SAMD5: variants seen among roughly 807,000 people sequenced by gnomAD.
SAMD5 encodes sterile alpha motif domain containing 5, also known as sterile alpha motif domain-containing protein 5.
Under a neutral mutation model 11.3 loss-of-function variants are expected in SAMD5, and 13 were observed. The ratio of observed to expected loss-of-function variants is 1.15; its 90% CI spans 0.75 to 1.83. The LOEUF is 1.83. Among genes scored for constraint, SAMD5 ranks in the 40% most tolerant of loss-of-function variants. SAMD5 has a pLI of 0.00. For synonymous variants in SAMD5, 129 were observed against 111.3 expected, an observed-to-expected ratio of 1.16 and a Z score of -1.00; for missense variants, 255 against 239.1, an observed-to-expected ratio of 1.07 and a Z score of -0.44.
the SAMD5 span, among the ~76,000 whole-genome samples, chr6:147,896,396 C>T: frequency 6.6e-6 from 1 of 152,118 alleles, no homozygotes; most frequent in Admixed American, 6.6e-5. Flanking sequence ...AGCTCGGAGA[C>T]AGGACAATTC....
In SAMD5 at chr6:147,668,031, C is replaced by T. The variant is rs79284610; in HGVS notation, c.163-69286C>T. ...TTTTAAAATTGCATTATAAAAATTA[C>T]GTCTAACTAAAAATGCGATACAAGA... On this transcript the variant is annotated intron_variant, in intron 1 of 1. Transcript: ENST00000566741. 5.7e-4 allele frequency among the ~76,000 whole-genome samples: 87 copies of T among 152,136 alleles called. No homozygotes were observed. In the East Asian group the frequency reaches 0.015, roughly 26 times the overall value.
the SAMD5 span, among the ~76,000 whole-genome samples, chr6:147,908,094 T>C: frequency 2.6e-5 from 4 of 152,178 alleles, no homozygotes; most frequent in Non-Finnish European, 4.4e-5. Context: ...TCTATAAATA[T>C]GTAAATTACC....
chr6:147,843,681 A>G, the SAMD5 span, among the ~76,000 whole-genome samples: 1 of 152,342 alleles, frequency 6.6e-6, no homozygotes, highest in African/African-American at 2.4e-5. Context: ...GAATCTAGAA[A>G]TAAATTCACA....
intron 1 of SAMD5, among the ~76,000 whole-genome samples, chr6:147,539,534 TGA>T (rs1228270361): frequency 6.6e-6 from 1 of 152,186 alleles, no homozygotes; most frequent in Non-Finnish European, 1.5e-5. Flanking sequence ...CCTTTGATTT[TGA>T]GAGGGATTTA....
At chr6:147,628,422 G>A (rs1790090053) in intron 1 of SAMD5, among the ~76,000 whole-genome samples, 1 of 152,074 alleles carries the variant, frequency 6.6e-6, no homozygotes, top group Non-Finnish European at 1.5e-5. Flanking sequence ...ACTCTTAAAC[G>A]TATTTTGAGA....
rs1789007333 is a variant in SAMD5 at position 147,564,615 on chromosome 6, G to T, written c.*159G>T. ...GACAAATTCTGGAATAATCAACTTA[G>T]TAAACTGGGTAACTGGCTTATAACA... On this transcript the variant is annotated 3_prime_UTR_variant, in exon 2 of 2. Transcript: ENST00000367474. 2.8e-6 allele frequency: 4 copies of T among 1,423,428 alleles called. No individual in the cohort carries two copies. The highest frequency in any genetic ancestry group is 2.9e-5 in the Admixed American group (1 of 33,948). 88.2% of individuals were successfully genotyped at this position (1,423,428 alleles called of 1,614,324 possible).
chr6:147,683,502 G>A (rs1466391379), intron 1 of SAMD5, among the ~76,000 whole-genome samples: 1 of 152,106 alleles, frequency 6.6e-6, no homozygotes, highest in East Asian at 1.9e-4. Context: ...TTACCACTTT[G>A]TCAGTTATTC....
chr6:147,585,849 C>T (rs1408066436), intron 1 of SAMD5, among the ~76,000 whole-genome samples: 5 of 152,018 alleles, frequency 3.3e-5, no homozygotes, highest in South Asian at 2.1e-4. Context: ...ACATTCACAC[C>T]GTGAAGGCTA....
In SAMD5 at chr6:147,708,425, A is replaced by C. The variant is rs576255192; in HGVS notation, c.163-28892A>C. The stretch of plus-strand genomic sequence containing the variant: ...GAAATCTCTGTTGTTTAAGCCACCC[A>C]GTCTGTGGTACTGTGTTATGGCAGC... On this transcript the variant is annotated intron_variant, in intron 1 of 1. Coordinates refer to the SAMD5 transcript ENST00000566741. Among the ~76,000 whole-genome samples, 17 of 152,306 alleles carry C rather than the reference A, an allele frequency of 1.1e-4. No individual in the cohort carries two copies. The South Asian group carries it at 3.3e-3, about 30-fold the overall frequency.
chr6:147,852,598 G>C, the SAMD5 span, among the ~76,000 whole-genome samples: 1 of 152,168 alleles, frequency 6.6e-6, no homozygotes, highest in African/African-American at 2.4e-5. Flanking sequence ...ACAAGTAATA[G>C]TGCTTTAAAA....
chr6:147,585,748 G>T (rs991948934), intron 1 of SAMD5, among the ~76,000 whole-genome samples: 17 of 151,984 alleles, frequency 1.1e-4, no homozygotes, highest in African/African-American at 4.1e-4. Context: ...TTAATTACTT[G>T]CATACAAATT....
At chr6:147,813,951 T>C in the SAMD5 span, among the ~76,000 whole-genome samples, 1 of 152,248 alleles carries the variant, frequency 6.6e-6, no homozygotes, top group Non-Finnish European at 1.5e-5. Context: ...GGACTGGCTA[T>C]GTGTGAATTC....
intron 1 of SAMD5, among the ~76,000 whole-genome samples, chr6:147,645,726 C>A (rs1428421631): frequency 1.3e-5 from 2 of 152,082 alleles, no homozygotes; most frequent in African/African-American, 4.8e-5. Flanking sequence ...AATTGTGGCA[C>A]CTCAGTGTCA....
At chr6:147,590,269 A>C (rs1411422362) in intron 1 of SAMD5, among the ~76,000 whole-genome samples, 1 of 152,128 alleles carries the variant, frequency 6.6e-6, no homozygotes, top group Non-Finnish European at 1.5e-5. Flanking sequence ...GCCCATACCT[A>C]TCTCCACAAA....
chr6:147,945,464 T>C, the SAMD5 span, among the ~76,000 whole-genome samples: 5 of 152,316 alleles, frequency 3.3e-5, no homozygotes, highest in South Asian at 4.1e-4. Flanking sequence ...TATAAATACA[T>C]GTCAGATGCT....
the SAMD5 span, among the ~76,000 whole-genome samples, chr6:147,803,845 T>A: frequency 6.6e-6 from 1 of 152,186 alleles, no homozygotes; most frequent in African/African-American, 2.4e-5. Context: ...ACTTGTCTCC[T>A]CCAGCCCTGG....
Position 147,569,713 on chromosome 6 carries a change from C to A in SAMD5, c.*5257C>A. 1.0e-6 allele frequency: 1 copy of A among 985,294 alleles called. No homozygotes were observed. The highest frequency in any genetic ancestry group is 1.2e-6 in the Non-Finnish European group (1 of 829,826). 61.0% of individuals were successfully genotyped at this position (985,294 alleles called of 1,614,324 possible). On this transcript the variant is annotated 3_prime_UTR_variant, in exon 2 of 2. Transcript: ENST00000367474. Reference sequence around the variant, plus strand: ...GAGATACTATTCGGGTTGCTAAAGCCATTATTCATAGAAAATTTCTGCCCC... The same window carrying A: ...GAGATACTATTCGGGTTGCTAAAGCAATTATTCATAGAAAATTTCTGCCCC...
chr6:147,646,338 TGA>T (rs1464943114), intron 1 of SAMD5, among the ~76,000 whole-genome samples: 7 of 152,074 alleles, frequency 4.6e-5, no homozygotes. Flanking sequence ...AAAAATAAAA[TGA>T]GAGATACATT....
chr6:147,642,969 A>G (rs933675026), intron 1 of SAMD5, among the ~76,000 whole-genome samples: 3 of 152,182 alleles, frequency 2.0e-5, no homozygotes, highest in Non-Finnish European at 4.4e-5. Context: ...GGTGTGCCTA[A>G]TTCTGCGAAA....
Sources: allele counts gnomAD v4.1 joint callset (sites outside exome capture counted in the v4.1 genomes callset), GRCh38; gene constraint gnomAD v4.1.1; transcripts MANE v1.5; gene names NCBI Gene and HGNC (gene_info 2026-07-23, HGNC 2026-07-21).